LRRC4C: variants seen among roughly 807,000 people sequenced by gnomAD.
LRRC4C encodes leucine-rich repeat-containing protein 4C.
Under a neutral mutation model 33.6 loss-of-function variants are expected in LRRC4C, and 5 were observed. The observed-to-expected ratio is 0.15, with a 90% confidence interval of 0.08 to 0.31. The LOEUF (loss-of-function observed/expected upper bound fraction) is 0.31. Among genes scored for constraint, LRRC4C ranks in the 10% least tolerant of loss-of-function variants. LRRC4C has a pLI of 1.00. For synonymous variants in LRRC4C, 329 were observed against 302.0 expected, an observed-to-expected ratio of 1.09 and a Z score of -0.93; for missense variants, 560 against 796.7, an observed-to-expected ratio of 0.70 and a Z score of 3.58.
chr11:40,451,439 G>A (rs1951882039), intron 3 of LRRC4C, among the ~76,000 whole-genome samples: 1 of 126,360 alleles, frequency 7.9e-6, no homozygotes, highest in African/African-American at 3.1e-5. Context: ...GGGCCGGAGT[G>A]CAGTGGCCTG....
Position 40,622,778 on chromosome 11 carries a change from G to A in LRRC4C, c.-270+25364C>T, listed in dbSNP as rs1024780696. On this transcript the variant is annotated intron_variant, in intron 3 of 6. Coordinates refer to ENST00000528697, the MANE Select transcript of LRRC4C (RefSeq NM_001258419.2). Reference sequence around the variant, plus strand: ...TGAATGTTTCCCTATTTGTAAGATGGGATAAACACACTCTCTATATCATAG... The same window carrying A: ...TGAATGTTTCCCTATTTGTAAGATGAGATAAACACACTCTCTATATCATAG... Among the ~76,000 whole-genome samples the A allele has an allele frequency of 6.6e-5, 10 of 151,600 alleles. No individual in the cohort carries two copies. The South Asian group carries it at 1.0e-3, about 16-fold the overall frequency.
chr11:41,216,405 T>C (rs916879970), intron 1 of LRRC4C, among the ~76,000 whole-genome samples: 1 of 151,658 alleles, frequency 6.6e-6, no homozygotes, highest in Non-Finnish European at 1.5e-5. Context: ...ATTAAGAGTT[T>C]AAAAATAGAC....
chr11:40,445,912 T>C (rs1418165968), intron 3 of LRRC4C: 2 of 152,248 alleles, frequency 1.3e-5, no homozygotes, highest in East Asian at 3.9e-4. Flanking sequence ...CTCATTACAT[T>C]CATAGAATTT....
intron 1 of LRRC4C, among the ~76,000 whole-genome samples, chr11:40,935,131 T>A (rs374584486): frequency 6.6e-6 from 1 of 152,164 alleles, no homozygotes; most frequent in Non-Finnish European, 1.5e-5. Flanking sequence ...TTTCCATTAG[T>A]TTTTTTCACT....
chr11:40,868,056 G>A (rs193268410), intron 2 of LRRC4C, among the ~76,000 whole-genome samples: 5 of 152,188 alleles, frequency 3.3e-5, no homozygotes, highest in Admixed American at 2.0e-4. Context: ...TTTTATACAC[G>A]TAGTACTTAG....
At chr11:41,283,592 G>A (rs746206298) in intron 1 of LRRC4C, among the ~76,000 whole-genome samples, 5 of 152,176 alleles carry the variant, frequency 3.3e-5, no homozygotes, top group Non-Finnish European at 7.3e-5. Context: ...TTTTATTAGA[G>A]CATAGAATTG....
chr11:41,184,118 T>G (rs1188793136), intron 1 of LRRC4C, among the ~76,000 whole-genome samples: 1 of 152,186 alleles, frequency 6.6e-6, no homozygotes, highest in East Asian at 1.9e-4. Context: ...CCTTTGGGCC[T>G]GTAATGGGAG....
At chr11:40,382,977 G>A (rs113863204) in intron 3 of LRRC4C, among the ~76,000 whole-genome samples, 2 of 152,074 alleles carry the variant, frequency 1.3e-5, no homozygotes, top group African/African-American at 4.8e-5. Flanking sequence ...ACAGGCGTGA[G>A]CCACCGCTCC....
chr11:40,733,444 T>C (rs1278803218), intron 2 of LRRC4C, among the ~76,000 whole-genome samples: 4 of 152,140 alleles, frequency 2.6e-5, no homozygotes, highest in Non-Finnish European at 1.5e-5. Flanking sequence ...TATAAAAACA[T>C]ATTTGTTAAA....
intron 1 of LRRC4C, among the ~76,000 whole-genome samples, chr11:41,060,916 T>C (rs1304575421): frequency 6.6e-6 from 1 of 152,088 alleles, no homozygotes; most frequent in Non-Finnish European, 1.5e-5. Context: ...TCTTCTCTCC[T>C]CTCTGTTCCC....
intron 1 of LRRC4C, among the ~76,000 whole-genome samples, chr11:40,944,231 C>A (rs1958284020): frequency 6.6e-6 from 1 of 152,028 alleles, no homozygotes; most frequent in Non-Finnish European, 1.5e-5. Flanking sequence ...ATTAAAAAAA[C>A]CCAAGCTAAA....
intron 1 of LRRC4C, among the ~76,000 whole-genome samples, chr11:41,214,062 C>G (rs554417770): frequency 6.6e-6 from 1 of 152,282 alleles, no homozygotes; most frequent in African/African-American, 2.4e-5. Flanking sequence ...TCTGGTCTGT[C>G]AGAATTTGTC....
chr11:40,204,849 C>G (rs933086773), intron 5 of LRRC4C, among the ~76,000 whole-genome samples: 3 of 152,144 alleles, frequency 2.0e-5, no homozygotes, highest in Non-Finnish European at 2.9e-5. Flanking sequence ...TTGGCCAGTG[C>G]AATTTTCGCT....
At chr11:40,542,637 TTC>T (rs142452024) in intron 3 of LRRC4C, among the ~76,000 whole-genome samples, 13,460 of 151,008 alleles carry the variant, frequency 0.089, 1,706 homozygotes, top group African/African-American at 0.28. Flanking sequence ...GGGAAGTTCT[TTC>T]TCTCTCTCTC....
intron 2 of LRRC4C, among the ~76,000 whole-genome samples, chr11:40,801,904 A>G (rs1951058084): frequency 1.3e-5 from 2 of 152,200 alleles, no homozygotes; most frequent in South Asian, 4.1e-4. Context: ...GAGGTCAAGA[A>G]GGGAGAATCT....
At chr11:40,892,120 G>A (rs1354706952) in intron 2 of LRRC4C, among the ~76,000 whole-genome samples, 1 of 133,514 alleles carries the variant, frequency 7.5e-6, no homozygotes, top group Non-Finnish European at 1.6e-5. Context: ...GGGCGACAGT[G>A]CGAGATTGTG....
At chr11:41,380,821 T>C (rs996565803) in intron 1 of LRRC4C, among the ~76,000 whole-genome samples, 2 of 152,150 alleles carry the variant, frequency 1.3e-5, no homozygotes, top group African/African-American at 4.8e-5. Context: ...AGTCTGTCTG[T>C]CTGTCTGTCT....
intron 3 of LRRC4C, among the ~76,000 whole-genome samples, chr11:40,458,654 G>A (rs1952246495): frequency 6.6e-6 from 1 of 152,046 alleles, no homozygotes; most frequent in African/African-American, 2.4e-5. Flanking sequence ...ATATAAAATA[G>A]CTTTTCTCAC....
chr11:41,340,092 C>G (rs1378175693), intron 1 of LRRC4C, among the ~76,000 whole-genome samples: 1 of 152,082 alleles, frequency 6.6e-6, no homozygotes, highest in Non-Finnish European at 1.5e-5. Context: ...GCTACATTAT[C>G]TTTTTTAATT....
Sources: allele counts gnomAD v4.1 joint callset (sites outside exome capture counted in the v4.1 genomes callset), GRCh38; gene constraint gnomAD v4.1.1; transcripts MANE v1.5; gene names NCBI Gene and HGNC (gene_info 2026-07-23, HGNC 2026-07-21).